The following PRKN variants were observed in gnomAD, a reference collection of about 807,000 sequenced individuals.
The protein encoded by PRKN is E3 ubiquitin-protein ligase parkin.
PRKN carries 56 observed loss-of-function variants against 59.5 expected under a neutral mutation model. That is an observed-to-expected ratio of 0.94 (90% confidence interval 0.76 to 1.18). The LOEUF is 1.18. PRKN is among the 50% of genes most tolerant of loss of function. The pLI is 0.00. For synonymous variants in PRKN, 250 were observed against 222.1 expected (o/e 1.13, Z -1.12); for missense variants, 657 against 596.4 (o/e 1.10, Z -1.06).
intron 2 of PRKN, among the ~76,000 whole-genome samples, chr6:162,424,057 G>C (rs1353690831): frequency 6.6e-6 from 1 of 152,052 alleles, no homozygotes; most frequent in African/African-American, 2.4e-5. Context: ...TTCAGACAAG[G>C]AAACGCCATT....
intron 7 of PRKN, among the ~76,000 whole-genome samples, chr6:161,750,268 T>C (rs1271025218): frequency 2.0e-5 from 3 of 152,184 alleles, no homozygotes; most frequent in African/African-American, 7.2e-5. Flanking sequence ...TGTAATTTAA[T>C]TGACTTAGCA....
chr6:162,174,356 T>C (rs1323638121), intron 4 of PRKN, among the ~76,000 whole-genome samples: 1 of 152,186 alleles, frequency 6.6e-6, no homozygotes, highest in Admixed American at 6.5e-5. Context: ...AAAAGTCAGC[T>C]GAATCCCAAG....
At chr6:162,046,357 T>C (rs576207309) in intron 5 of PRKN, among the ~76,000 whole-genome samples, 1 of 152,356 alleles carries the variant, frequency 6.6e-6, no homozygotes, top group African/African-American at 2.4e-5. Flanking sequence ...TAAAGTGCGA[T>C]ACAAACTATA....
chr6:162,714,152 T>TA (rs1290898460), intron 1 of PRKN, among the ~76,000 whole-genome samples: 1 of 152,186 alleles, frequency 6.6e-6, no homozygotes. Flanking sequence ...TCCCGTGACT[T>TA]AATTATGTGG....
chr6:161,669,177 A>T (rs1444131944), intron 7 of PRKN, among the ~76,000 whole-genome samples: 1 of 152,170 alleles, frequency 6.6e-6, no homozygotes, highest in Non-Finnish European at 1.5e-5. Flanking sequence ...CCCTCATCCT[A>T]CACCAAATCT....
intron 5 of PRKN, among the ~76,000 whole-genome samples, chr6:162,051,537 G>A (rs1023667496): frequency 1.3e-5 from 2 of 152,142 alleles, no homozygotes; most frequent in Admixed American, 6.5e-5. Flanking sequence ...CCTGAGAGGC[G>A]AGCAGGAGCG....
chr6:162,152,978 T>C (rs1782337995), intron 4 of PRKN, among the ~76,000 whole-genome samples: 1 of 152,168 alleles, frequency 6.6e-6, no homozygotes, highest in African/African-American at 2.4e-5. Context: ...AGAAAAGGGC[T>C]CCAAAGTCGA....
rs941184634 is a variant in PRKN, at chr6:161,363,385, C to A, written c.1168-3180G>T. Among the ~76,000 whole-genome samples the A allele has an allele frequency of 1.3e-5, 2 of 152,096 alleles. No individual in the cohort carries two copies. The highest frequency in any genetic ancestry group is 1.3e-4 in the Admixed American group (2 of 15,268). ...AAATTTCTTTGTTTTGTCCATTTTT[C>A]TGGACATGAAACACTAATAATTAAA... On this transcript the variant is annotated intron_variant, in intron 10 of 11. Transcript: ENST00000366898. The surrounding 1 kb of genome is among the most constrained non-coding windows in gnomAD (Gnocchi z 4.1).
chr6:161,381,326 A>G (rs1582997846), intron 10 of PRKN, among the ~76,000 whole-genome samples: 2 of 152,160 alleles, frequency 1.3e-5, no homozygotes, highest in African/African-American at 4.8e-5. Context: ...TGCAGCTCCC[A>G]AAGACCTGGG....
intron 7 of PRKN, among the ~76,000 whole-genome samples, chr6:161,768,145 A>G (rs979969053): frequency 6.6e-6 from 1 of 152,062 alleles, no homozygotes; most frequent in Non-Finnish European, 1.5e-5. Context: ...ATTTGAAATG[A>G]CTAAACACGA....
intron 4 of PRKN, among the ~76,000 whole-genome samples, chr6:162,133,070 T>A (rs529850659): frequency 6.6e-6 from 1 of 152,190 alleles, no homozygotes; most frequent in African/African-American, 2.4e-5. Flanking sequence ...GACTTAGGGT[T>A]TTACTGTGAA....
chr6:161,785,550 A>C (rs534396923), intron 7 of PRKN, among the ~76,000 whole-genome samples: 30 of 152,306 alleles, frequency 2.0e-4, no homozygotes, highest in Middle Eastern at 3.4e-3. Flanking sequence ...ACTTATTCTC[A>C]ATGCCTTTAT....
intron 2 of PRKN, among the ~76,000 whole-genome samples, chr6:162,402,271 A>C (rs1787834603): frequency 6.6e-6 from 1 of 151,936 alleles, no homozygotes; most frequent in Admixed American, 6.6e-5. Context: ...AAAAAGTTTC[A>C]AACCATAGTG....
At chr6:162,683,369 C>T (rs766954065) in intron 1 of PRKN, among the ~76,000 whole-genome samples, 1 of 152,074 alleles carries the variant, frequency 6.6e-6, no homozygotes, top group African/African-American at 2.4e-5. Context: ...CTACTGTGAA[C>T]GAGCTGTTCT....
intron 9 of PRKN, among the ~76,000 whole-genome samples, chr6:161,476,793 C>G (rs1197117652): frequency 1.3e-5 from 2 of 152,230 alleles, no homozygotes; most frequent in African/African-American, 4.8e-5. Flanking sequence ...CTGGGACATT[C>G]CGTCATTACA....
chr6:161,729,765 T>C (rs1409213140), intron 7 of PRKN, among the ~76,000 whole-genome samples: 2 of 152,274 alleles, frequency 1.3e-5, no homozygotes, highest in Non-Finnish European at 2.9e-5. Flanking sequence ...TCTGATGTGT[T>C]ACATTCTGAG....
intron 4 of PRKN, among the ~76,000 whole-genome samples, chr6:162,161,523 G>T (rs1782758179): frequency 2.0e-5 from 3 of 152,208 alleles, no homozygotes; most frequent in Non-Finnish European, 4.4e-5. Flanking sequence ...TGAGTAGCAT[G>T]ATGAAATCTC....
chr6:162,492,940 G>A (rs62428843), intron 1 of PRKN, among the ~76,000 whole-genome samples: 20,151 of 139,286 alleles, frequency 0.14, 1,622 homozygotes, highest in Non-Finnish European at 0.18. Flanking sequence ...GCAACAGAGC[G>A]AGACTTTGTC....
At chr6:162,621,153 T>C (rs992875732) in intron 1 of PRKN, among the ~76,000 whole-genome samples, 7 of 152,186 alleles carry the variant, frequency 4.6e-5, no homozygotes, top group Non-Finnish European at 1.0e-4. Context: ...TGTCTATTGA[T>C]GCCTATGGTA....
Sources: allele counts gnomAD v4.1 joint callset (sites outside exome capture counted in the v4.1 genomes callset), GRCh38; gene constraint gnomAD v4.1.1; non-coding constraint Gnocchi (gnomAD v3.1); transcripts MANE v1.5; gene names NCBI Gene and HGNC (gene_info 2026-07-23, HGNC 2026-07-21).